Variants in BRD4 observed in about 807,000 individuals in gnomAD.
The protein encoded by BRD4 is bromodomain-containing protein 4.
BRD4 carries 16 observed loss-of-function variants against 142.1 expected under a neutral mutation model. That is an observed-to-expected ratio of 0.11 (90% CI 0.08 to 0.17). The LOEUF (loss-of-function observed/expected upper bound fraction) is 0.17. Among genes scored for constraint, BRD4 ranks in the 10% least tolerant of loss-of-function variants. The pLI is 1.00. For synonymous variants in BRD4, 833 were observed against 707.5 expected, an observed-to-expected ratio of 1.18 and a Z score of -2.82; for missense variants, 1,424 against 1,810.9, an observed-to-expected ratio of 0.79 and a Z score of 3.88.
chr19:15,265,721 C>T, intron 4 of BRD4, 78 bp from the exon 5 acceptor site: 2 of 1,451,184 alleles, frequency 1.4e-6, no homozygotes, highest in South Asian at 1.1e-5. Context: ...GGACATACAC[C>T]ACACACAGTG....
At chr19:15,265,711 G>A in intron 4 of BRD4, 68 bp from the exon 5 acceptor site, 1 of 1,508,698 alleles carries the variant, frequency 6.6e-7, no homozygotes, top group Admixed American at 1.7e-5. Flanking sequence ...GACCTCGTGG[G>A]GACATACACC....
At chr19:15,326,153 T>TAAAAA (rs755812111) in intron 1 of BRD4, among the ~76,000 whole-genome samples, 2 of 100,920 alleles carry the variant, frequency 2.0e-5, no homozygotes, top group African/African-American at 3.9e-5. Context: ...AATGTAGCAT[T>TAAAAA]AAAAAAAAAA....
At chr19:15,255,226 G>C (rs1407168856) in intron 10 of BRD4, 71 bp downstream of exon 10, 5 of 1,418,174 alleles carry the variant, frequency 3.5e-6, no homozygotes, top group Non-Finnish European at 4.8e-6. Flanking sequence ...AGAGTGGACT[G>C]AGCAAGGAGG....
intron 1 of BRD4, among the ~76,000 whole-genome samples, chr19:15,286,542 G>A (rs2047741556): frequency 6.6e-6 from 1 of 152,152 alleles, no homozygotes; most frequent in Non-Finnish European, 1.5e-5. Flanking sequence ...AGAGAAAGCA[G>A]GTATGCTTAC....
At chr19:15,263,347 G>A (rs2145594971) in intron 7 of BRD4, 73 bp downstream of exon 7, 1 of 1,535,484 alleles carries the variant, frequency 6.5e-7, no homozygotes, top group African/African-American at 1.4e-5. Context: ...CTCTGCCAAG[G>A]CCCACAGAAG....
Position 15,238,310 on chromosome 19 carries a change from C to T in BRD4, c.*67G>A, listed in dbSNP as rs200858283. ...TGGCCGCTGATCCCACCTCCACCAC[C>T]GCCCCTAACACTATGGAAAGTCAAT... On this transcript the variant is annotated 3_prime_UTR_variant, in exon 20 of 20. Coordinates refer to ENST00000679869, the MANE Select transcript of BRD4 (RefSeq NM_001379291.1). The surrounding 1 kb of genome is among the most constrained non-coding windows in gnomAD (Gnocchi z 7.2). The T allele has an allele frequency of 1.5e-5, 24 of 1,602,160 alleles. No homozygotes were observed. Among genetic ancestry groups the T allele is most frequent in the East Asian group, 2.2e-5 (1 of 44,720 alleles).
chr19:15,311,735 G>A (rs1053913717), intron 1 of BRD4, among the ~76,000 whole-genome samples: 1 of 152,040 alleles, frequency 6.6e-6, no homozygotes, highest in Non-Finnish European at 1.5e-5. Context: ...CCGGGAGGCA[G>A]ACATTGCAGT....
intron 1 of BRD4, chr19:15,280,320 T>C: frequency 3.9e-6 from 4 of 1,012,740 alleles, no homozygotes; most frequent in Non-Finnish European, 4.7e-6. Context: ...ACACGGGTCT[T>C]TGGCTTGGCC....
At chr19:15,309,946 G>A (rs552926952) in intron 1 of BRD4, among the ~76,000 whole-genome samples, 1 of 152,238 alleles carries the variant, frequency 6.6e-6, no homozygotes, top group East Asian at 1.9e-4. Context: ...TTCACCGGGG[G>A]CTCCTCTCAC....
intron 1 of BRD4, among the ~76,000 whole-genome samples, chr19:15,281,960 G>C (rs2047708054): frequency 6.6e-6 from 1 of 152,234 alleles, no homozygotes; most frequent in Non-Finnish European, 1.5e-5. Flanking sequence ...AGAGGTTGCA[G>C]TGAGCCGAGA....
chr19:15,249,107 G>A (rs746108386), intron 11 of BRD4: 3 of 1,065,642 alleles, frequency 2.8e-6, no homozygotes, highest in Non-Finnish European at 2.7e-6. Flanking sequence ...GGGACTAGGC[G>A]TGTGCTGCTG....
chr19:15,263,451 T>C lies in BRD4; in HGVS notation c.1310A>G (p.His437Arg). 1 of 1,614,108 alleles carries C rather than the reference T, an allele frequency of 6.2e-7. No individual in the cohort carries two copies. The highest frequency in any genetic ancestry group is 8.5e-7 in the Non-Finnish European group (1 of 1,179,994). ...CTTGCGGGCCATGGCCACCACCTCA[T>C]GGTCAGGAGGGTTGTACTTATAGCA... ...SNCYKYNPPD[H>R]EVVAMARKLQ... is the part of the protein sequence containing the mutation. Residue 437 changes from histidine to arginine, a missense_variant, in exon 7 of 20, where the codon CAT (histidine) becomes CGT (arginine). By Grantham distance (29) the His-to-Arg change is conservative (BLOSUM62 0). Coordinates refer to ENST00000679869, the MANE Select transcript of BRD4 (RefSeq NM_001379291.1).
chr19:15,247,757 C>G (rs1599439249), intron 11 of BRD4: 1 of 233,072 alleles, frequency 4.3e-6, no homozygotes, highest in Non-Finnish European at 8.5e-6. Context: ...AGGAACACAT[C>G]AGGCGCAGGC....
At chr19:15,291,973 A>G (rs776532563) in intron 1 of BRD4, among the ~76,000 whole-genome samples, 3 of 152,228 alleles carry the variant, frequency 2.0e-5, no homozygotes. Context: ...TTAGGTTTAC[A>G]TTCTTACAGC....
chr19:15,284,146 C>G (rs1234855998), intron 1 of BRD4, among the ~76,000 whole-genome samples: 5 of 152,060 alleles, frequency 3.3e-5, no homozygotes, highest in Non-Finnish European at 7.4e-5. Context: ...AGAGAAAGAT[C>G]TGGAAAAAAC....
chr19:15,273,164 T>C (rs535175323), intron 1 of BRD4, 31 bp from the exon 2 acceptor site: 5 of 1,518,778 alleles, frequency 3.3e-6, no homozygotes, highest in South Asian at 1.3e-5. Flanking sequence ...CCCCGTGAGA[T>C]ATCAGTCAGC....
Position 15,265,401 on chromosome 19 carries a change from C to G in BRD4, c.802G>C (p.Val268Leu), listed in dbSNP as rs551722840. 7.5e-7 allele frequency: 1 copy of G among 1,339,428 alleles called. No homozygotes were observed. Among genetic ancestry groups the G allele is most frequent in the Non-Finnish European group, 9.9e-7 (1 of 1,010,708 alleles). 83.0% of individuals were successfully genotyped at this position (1,339,428 alleles called of 1,614,324 possible). Reference sequence around the variant, plus strand: ...GCGATGATGGGTGGGTGGCTCTGTACGGGCTGGGGAGCTGGAGCGGGTGGG... The same window carrying G: ...GCGATGATGGGTGGGTGGCTCTGTAGGGGCTGGGGAGCTGGAGCGGGTGGG... ...QPPPAPAPQP[V>L]QSHPPIIAAT... Residue 268 changes from valine (V) to leucine (L), a missense_variant, in exon 5 of 20, where the codon GTA (valine) becomes CTA (leucine). By Grantham distance (32) the Val-to-Leu change is conservative (BLOSUM62 1). Coordinates refer to ENST00000679869, the MANE Select transcript of BRD4 (RefSeq NM_001379291.1).
At chr19:15,270,986 G>GATTCAC (rs1447589951) in intron 2 of BRD4, among the ~76,000 whole-genome samples, 1 of 152,172 alleles carries the variant, frequency 6.6e-6, no homozygotes, top group Non-Finnish European at 1.5e-5. Flanking sequence ...GGGACAGGTA[G>GATTCAC]ATTCACACTC....
rs28463003 is a variant in BRD4, at chr19:15,270,520, A to G, written c.286-1478T>C. ...CTATCCCAGTGGAAATTTAAATTTT[A>G]TTCTATGGCCAAAGGCCACTGAATT... On this transcript the variant is annotated intron_variant, in intron 2 of 19. Coordinates refer to ENST00000679869, the MANE Select transcript of BRD4 (RefSeq NM_001379291.1). Among the ~76,000 whole-genome samples, 993 of 152,290 alleles carry G rather than the reference A, an allele frequency of 6.5e-3. 17 individuals carry two copies. The highest frequency in any genetic ancestry group is 0.023 in the African/African-American group (939 of 41,550).
Sources: allele counts gnomAD v4.1 joint callset (sites outside exome capture counted in the v4.1 genomes callset), GRCh38; gene constraint gnomAD v4.1.1; non-coding constraint Gnocchi (gnomAD v3.1); transcripts MANE v1.5; gene names NCBI Gene and HGNC (gene_info 2026-07-23, HGNC 2026-07-21).